Variants in ABCG2 observed in about 807,000 individuals in gnomAD.
The protein encoded by ABCG2 is broad substrate specificity ATP-binding cassette transporter ABCG2.
ABCG2 carries 80 observed loss-of-function variants against 73.5 expected under a neutral mutation model. That is an observed-to-expected ratio of 1.09 (90% CI 0.91 to 1.31). The LOEUF (loss-of-function observed/expected upper bound fraction) is 1.31. Among genes scored for constraint, ABCG2 ranks in the 50% most tolerant of loss-of-function variants. The probability of loss-of-function intolerance (pLI) is 0.00; values close to 1 mark genes in which losing one functional copy is unlikely to be tolerated. For missense variants in ABCG2, 796 were observed against 786.2 expected, an observed-to-expected ratio of 1.01 and a Z score of -0.15; for synonymous variants, 269 against 282.4, an observed-to-expected ratio of 0.95 and a Z score of 0.48.
At chr4:88,195,862 G>A (rs1728923028) in intron 1 of ABCG2, among the ~76,000 whole-genome samples, 1 of 152,128 alleles carries the variant, frequency 6.6e-6, no homozygotes, top group South Asian at 2.1e-4. Flanking sequence ...GCTCAACTGA[G>A]GTGTTTTTCT....
rs758456432 is a variant in ABCG2, at chr4:88,139,789, A to C, written c.203+4T>G. The stretch of plus-strand genomic sequence containing the variant: ...GCTGTCTTTTTACAAGTTCATGTAC[A>C]TACTTGATATTCGATAATATTTCTT... On this transcript the variant is annotated splice_donor_region_variant and intron_variant, in intron 2 of 15. Transcript: ENST00000237612. The C allele has an allele frequency of 6.2e-7, 1 of 1,612,628 alleles. No homozygotes were observed. Among genetic ancestry groups the C allele is most frequent in the Non-Finnish European group, 8.5e-7 (1 of 1,179,100 alleles).
At chr4:88,148,469 G>A (rs1221977971) in intron 1 of ABCG2, among the ~76,000 whole-genome samples, 5 of 152,162 alleles carry the variant, frequency 3.3e-5, no homozygotes, top group African/African-American at 1.2e-4. Flanking sequence ...TCAAAAGGGT[G>A]CAGCGTGCCT....
intron 1 of ABCG2, among the ~76,000 whole-genome samples, chr4:88,148,286 C>T (rs1726188837): frequency 6.6e-6 from 1 of 151,946 alleles, no homozygotes; most frequent in African/African-American, 2.4e-5. Flanking sequence ...CCCCAAGGGA[C>T]CCCTGTAGAT....
intron 10 of ABCG2, among the ~76,000 whole-genome samples, chr4:88,103,615 C>T (rs912656013): frequency 2.6e-5 from 4 of 152,254 alleles, no homozygotes; most frequent in African/African-American, 9.6e-5. Context: ...CTGAAATTTA[C>T]ATTATTATTT....
At chr4:88,198,943 T>C (rs1476065081) in intron 1 of ABCG2, among the ~76,000 whole-genome samples, 1 of 152,040 alleles carries the variant, frequency 6.6e-6, no homozygotes, top group African/African-American at 2.4e-5. Flanking sequence ...TATATGTATA[T>C]GTATATATAT....
intron 1 of ABCG2, among the ~76,000 whole-genome samples, chr4:88,221,861 T>C (rs1296558454): frequency 6.6e-6 from 1 of 152,178 alleles, no homozygotes; most frequent in Non-Finnish European, 1.5e-5. Context: ...ACCCTTATTC[T>C]GGGGAGAAAT....
chr4:88,195,492 C>T (rs1479002105), intron 1 of ABCG2, among the ~76,000 whole-genome samples: 1 of 152,092 alleles, frequency 6.6e-6, no homozygotes, highest in Non-Finnish European at 1.5e-5. Context: ...GCGGCCAATC[C>T]ACACAGGTCT....
At chr4:88,137,054 A>C (rs1725304420) in intron 2 of ABCG2, among the ~76,000 whole-genome samples, 1 of 147,702 alleles carries the variant, frequency 6.8e-6, no homozygotes, top group African/African-American at 2.6e-5. Context: ...ATAAAATAAA[A>C]TAAAATAAGA....
chr4:88,153,370 T>C (rs1171153313), intron 1 of ABCG2, among the ~76,000 whole-genome samples: 1 of 152,116 alleles, frequency 6.6e-6, no homozygotes, highest in Non-Finnish European at 1.5e-5. Flanking sequence ...GGAGCATCTA[T>C]ACAGGAGCTC....
intron 1 of ABCG2, among the ~76,000 whole-genome samples, chr4:88,196,970 C>A (rs1260757120): frequency 6.6e-6 from 1 of 151,890 alleles, no homozygotes; most frequent in Non-Finnish European, 1.5e-5. Flanking sequence ...AAATACCCAA[C>A]CCCAAACCCC....
intron 1 of ABCG2, among the ~76,000 whole-genome samples, chr4:88,196,182 C>G (rs1728936713): frequency 6.6e-6 from 1 of 152,176 alleles, no homozygotes; most frequent in Non-Finnish European, 1.5e-5. Context: ...CTGTAACAGA[C>G]TAGAGAGCTC....
At chr4:88,202,376 A>ATATATATATATATATATATATATATATG (rs1176057791) in intron 1 of ABCG2, among the ~76,000 whole-genome samples, 9 of 128,562 alleles carry the variant, frequency 7.0e-5, no homozygotes, top group Non-Finnish European at 1.3e-4. Flanking sequence ...ATATATATAT[A>ATATATATATATATATATATATATATATG]TGTATATTTT....
At chr4:88,120,307 GC>G (rs1273852439) in intron 6 of ABCG2, among the ~76,000 whole-genome samples, 1 of 152,182 alleles carries the variant, frequency 6.6e-6, no homozygotes, top group Non-Finnish European at 1.5e-5. Flanking sequence ...CCTACACAGG[GC>G]CCCCACTGAG....
intron 1 of ABCG2, among the ~76,000 whole-genome samples, chr4:88,230,011 A>G (rs1730390629): frequency 1.2e-5 from 1 of 86,012 alleles, no homozygotes; most frequent in Admixed American, 1.2e-4. Context: ...TTATTATTAG[A>G]GACAGAGTTT....
intron 1 of ABCG2, among the ~76,000 whole-genome samples, chr4:88,208,308 T>G (rs1316818242): frequency 6.6e-6 from 1 of 152,190 alleles, no homozygotes; most frequent in Non-Finnish European, 1.5e-5. Flanking sequence ...AGCTGGATGA[T>G]AAGGGTAAGC....
rs1724011718 is a variant in ABCG2 at position 88,121,791 on chromosome 4, A to G, written c.533T>C (p.Val178Ala). The G allele has an allele frequency of 6.2e-7, 1 of 1,612,098 alleles. No homozygotes were observed. The highest frequency in any genetic ancestry group is 1.3e-5 in the African/African-American group (1 of 74,962). The change falls in exon 6 of 16, where the codon GTT becomes GCT. Residue 178 changes from valine to alanine, a missense_variant and splice_region_variant. Physicochemically the swap from Val to Ala is moderately conservative, Grantham distance 64. Transcript: ENST00000237612. ...CACACCACGGATAAACTGAGTTCCA[A>G]CCTAAATCACAAATATTATAATTGT... ...LGLDKVADSK[V>A]GTQFIRGVSG... is the part of the protein sequence containing the mutation.
Position 88,101,252 on chromosome 4 carries a change from CAA to C in ABCG2, c.1343_1344del (p.Phe448CysfsTer10). The C allele has an allele frequency of 6.2e-7, 1 of 1,614,150 alleles. No homozygotes were observed. The highest frequency in any genetic ancestry group is 8.5e-7 in the Non-Finnish European group (1 of 1,180,010). ...CFSSVSAVEL[F>X]VVEKKLFIHE... ...CACATGAAGAGCTTCTTCTCTACCA[CAA>C]AGAGTTCCACGGCTGAAACACTGCT... On this transcript the variant is annotated frameshift_variant, in exon 11 of 16. Transcript: ENST00000237612. LOFTEE classifies it high-confidence loss of function.
chr4:88,131,002 T>C (rs1724820489), intron 5 of ABCG2, 59 bp downstream of exon 5: 1 of 1,575,890 alleles, frequency 6.3e-7, no homozygotes, highest in South Asian at 1.2e-5. Flanking sequence ...AGTCATTTTA[T>C]CCACACAGGG....
intron 1 of ABCG2, among the ~76,000 whole-genome samples, chr4:88,219,576 A>ATTTTTTTTTTTTTT (rs5860122): frequency 1.1e-5 from 1 of 90,872 alleles, no homozygotes. Flanking sequence ...TACCATTCAA[A>ATTTTTTTTTTTTTT]TTTTTTTTTT....
Sources: gnomAD v4.1 joint callset for allele counts (sites outside exome capture counted in the v4.1 genomes callset) on GRCh38, gnomAD v4.1.1 for gene constraint, MANE v1.5 for transcripts, NCBI Gene and HGNC (gene_info 2026-07-23, HGNC 2026-07-21) for gene names.